ATP6V1B1: variants seen among roughly 807,000 people sequenced by gnomAD.
ATP6V1B1 encodes the protein V-type proton ATPase subunit B, kidney isoform.
A neutral mutation model predicts 62.1 loss-of-function variants in ATP6V1B1; 41 were observed. The observed-to-expected ratio is 0.66, with a 90% confidence interval of 0.51 to 0.86. The LOEUF (loss-of-function observed/expected upper bound fraction) is 0.86. Among genes scored for constraint, ATP6V1B1 ranks in the 40% least tolerant of loss-of-function variants. ATP6V1B1 has a pLI of 0.00. For synonymous variants in ATP6V1B1, 253 were observed against 273.4 expected (o/e 0.93, Z 0.74); for missense variants, 651 against 697.5 (o/e 0.93, Z 0.75).
At chr2:70,951,238 C>T (rs782307909) in intron 2 of ATP6V1B1, among the ~76,000 whole-genome samples, 9 of 152,136 alleles carry the variant, frequency 5.9e-5, no homozygotes, top group Non-Finnish European at 7.4e-5. Context: ...CCACTGCGCC[C>T]GGCCTTCCTG....
At chr2:70,953,670 C>T (rs571049458) in intron 2 of ATP6V1B1, among the ~76,000 whole-genome samples, 2 of 152,240 alleles carry the variant, frequency 1.3e-5, no homozygotes, top group South Asian at 2.1e-4. Flanking sequence ...CTACAAGTTT[C>T]CCATAATTAT....
chr2:70,942,094 G>A, intron 1 of ATP6V1B1: 1 of 1,067,218 alleles, frequency 9.4e-7, no homozygotes, highest in Non-Finnish European at 1.2e-6. Context: ...GACAGAGAGA[G>A]AGGCAAGGAG....
Position 70,958,356 on chromosome 2 carries a change from C to T in ATP6V1B1, c.297C>T (p.Ile99=), listed in dbSNP as rs147933361. ...AGGTGTTTGAAGGGACATCAGGGAT[C>T]GATGCCAGGAAGACCACTTGCGAAT... ...IVQVFEGTSG[I]DARKTTCEFT... Residue 99 remains isoleucine (I), a synonymous_variant, in exon 4 of 14, where the codon ATC becomes ATT. Coordinates refer to ENST00000234396, the MANE Select transcript of ATP6V1B1 (RefSeq NM_001692.4). 7.4e-6 allele frequency: 12 copies of T among 1,614,080 alleles called. No individual in the cohort carries two copies. The South Asian group carries it at 8.8e-5, about 12-fold the overall frequency.
intron 2 of ATP6V1B1, among the ~76,000 whole-genome samples, chr2:70,945,183 A>G (rs561868318): frequency 2.2e-3 from 332 of 152,352 alleles, no homozygotes; most frequent in Non-Finnish European, 3.9e-3. Context: ...TTTCACTGCT[A>G]TAATTTTAAA....
intron 2 of ATP6V1B1, among the ~76,000 whole-genome samples, chr2:70,950,921 ATTTTTTCCTGATTTTTTTTT>A (rs1278171439): frequency 8.1e-6 from 1 of 123,368 alleles, no homozygotes; most frequent in Non-Finnish European, 1.7e-5. Context: ...TGTGTGCATA[ATTTTTTCCTGATTTTTTTTT>A]TTTTTTTTTT....
intron 1 of ATP6V1B1, among the ~76,000 whole-genome samples, chr2:70,937,716 C>T (rs1373667669): frequency 6.6e-6 from 1 of 152,004 alleles, no homozygotes; most frequent in African/African-American, 2.4e-5. Context: ...TGATCTGCAC[C>T]TTCATGCTCT....
intron 11 of ATP6V1B1, chr2:70,964,038 G>T (rs1356383761): frequency 2.4e-6 from 1 of 418,100 alleles, no homozygotes; most frequent in Non-Finnish European, 4.4e-6. Flanking sequence ...AGAAAACAAC[G>T]GCTAACTAAC....
chr2:70,958,486 C>A, intron 4 of ATP6V1B1, 60 bp downstream of exon 4: 1 of 1,499,388 alleles, frequency 6.7e-7, no homozygotes, highest in South Asian at 1.1e-5. Context: ...CCCAGCTTCT[C>A]TGACCAAACC....
chr2:70,944,157 C>T (rs1480936702), intron 2 of ATP6V1B1: 11 of 1,286,278 alleles, frequency 8.6e-6, no homozygotes, highest in Middle Eastern at 2.1e-4. Context: ...CAAGTCAATG[C>T]CAACTAAATT....
At position 70,943,659 on chromosome 2, in the gene ATP6V1B1, C is replaced by T; in HGVS notation, c.120C>T (p.Thr40=). The change falls in exon 2 of 14, where the codon ACC becomes ACT. Residue 40 remains threonine (T), a splice_region_variant and synonymous_variant. Transcript: ENST00000234396. The part of the protein sequence containing the change: ...TRNYITHPRV[T]YRTVCSVNGP... The stretch of plus-strand genomic sequence containing the variant: ...TACTCACCCCCGCCCCTCCCCCAGC[C>T]TACAGGACTGTGTGCAGCGTGAACG... The T allele has an allele frequency of 1.2e-6, 2 of 1,613,908 alleles. No homozygotes were observed. Among genetic ancestry groups the T allele is most frequent in the South Asian group, 2.2e-5 (2 of 91,084 alleles).
chr2:70,965,162 C>A lies in ATP6V1B1; in HGVS notation c.*41C>A. The A allele has an allele frequency of 6.3e-7, 1 of 1,597,576 alleles. No individual in the cohort carries two copies. The highest frequency in any genetic ancestry group is 1.1e-5 in the South Asian group (1 of 90,900). ...CACCCCAACACCGGCAGGGAACCTA[C>A]CCTCGGCTCCCGGGTCTCCCCTCCC... is the stretch of plus-strand genomic sequence containing the variant. On this transcript the variant is annotated 3_prime_UTR_variant, in exon 14 of 14. Coordinates refer to ENST00000234396, the MANE Select transcript of ATP6V1B1 (RefSeq NM_001692.4).
Position 70,963,603 on chromosome 2 carries a change from C to G in ATP6V1B1, c.1092C>G (p.Gly364=). The G allele has an allele frequency of 6.2e-7, 1 of 1,614,214 alleles. No individual in the cohort carries two copies. Among genetic ancestry groups the G allele is most frequent in the East Asian group, 2.2e-5 (1 of 44,874 alleles). Residue 364 remains glycine, a synonymous_variant, in exon 11 of 14, where the codon GGC becomes GGG. Coordinates refer to ENST00000234396, the MANE Select transcript of ATP6V1B1 (RefSeq NM_001692.4). The surrounding 1 kb of genome is among the most constrained non-coding windows in gnomAD (Gnocchi z 4.3). ...DITHPIPDLT[G]FITEGQIYVD... ...CCCACCCTATCCCAGACTTGACGGG[C>G]TTCATCACAGAGGGACAGATCTACG...
chr2:70,956,378 G>C (rs563768916), intron 2 of ATP6V1B1: 6 of 159,488 alleles, frequency 3.8e-5, no homozygotes, highest in African/African-American at 1.4e-4. Flanking sequence ...GCCCCCATGG[G>C]TTCCAGGGCA....
intron 2 of ATP6V1B1, among the ~76,000 whole-genome samples, chr2:70,946,154 T>C (rs1183300896): frequency 2.0e-5 from 3 of 152,138 alleles, no homozygotes; most frequent in Non-Finnish European, 4.4e-5. Flanking sequence ...ATTAATGAGA[T>C]AAATGAATGA....
chr2:70,960,214 C>G, intron 6 of ATP6V1B1, 136 bp downstream of exon 6: 4 of 1,342,034 alleles, frequency 3.0e-6, no homozygotes, highest in Non-Finnish European at 3.1e-6. Context: ...TCGAGACTGG[C>G]AGCTGTCCCT....
rs782807034 is a variant in ATP6V1B1 at position 70,960,005 on chromosome 2, T to C, written c.512T>C (p.Ile171Thr). 5.6e-6 allele frequency: 9 copies of C among 1,614,102 alleles called. No individual in the cohort carries two copies. Among genetic ancestry groups the C allele is most frequent in the East Asian group, 4.5e-5 (2 of 44,878 alleles). ...ATGATTCAGACGGGCATTTCTCCTA[T>C]TGACGTCATGAACAGCATTGCCCGC... ...EEMIQTGISP[I>T]DVMNSIARGQ... Residue 171 changes from isoleucine to threonine, a missense_variant, in exon 6 of 14, where the codon ATT (isoleucine) becomes ACT (threonine). Coordinates refer to ENST00000234396, the MANE Select transcript of ATP6V1B1 (RefSeq NM_001692.4).
intron 9 of ATP6V1B1, 43 bp downstream of exon 9, chr2:70,962,943 C>T (rs782580662): frequency 6.2e-7 from 1 of 1,612,570 alleles, no homozygotes; most frequent in South Asian, 1.1e-5. Context: ...CCCTACCCCT[C>T]CCTAAGCCTG....
chr2:70,962,830 C>T lies in ATP6V1B1; in HGVS notation c.839C>T (p.Ala280Val). Residue 280 changes from alanine (A) to valine (V), a missense_variant, in exon 9 of 14, where the codon GCC (alanine) becomes GTC (valine). By Grantham distance (64) the Ala-to-Val change is moderately conservative. Coordinates refer to ENST00000234396, the MANE Select transcript of ATP6V1B1 (RefSeq NM_001692.4). ...GCGCTGACCACTGCTGAATTCCTTG[C>T]CTACCAGTGTGAGAAGCATGTGCTG... ...RLALTTAEFL[A>V]YQCEKHVLVI... is the part of the protein sequence containing the mutation. The T allele has an allele frequency of 6.2e-7, 1 of 1,614,178 alleles. No homozygotes were observed. Among genetic ancestry groups the T allele is most frequent in the Non-Finnish European group, 8.5e-7 (1 of 1,180,018 alleles).
chr2:70,960,087 T>G lies in ATP6V1B1; in HGVS notation c.585+9T>G. The G allele has an allele frequency of 6.2e-7, 1 of 1,613,986 alleles. No homozygotes were observed. The highest frequency in any genetic ancestry group is 8.5e-7 in the Non-Finnish European group (1 of 1,179,950). ...GGCTCCCCCACAATGAGGTGAGGCC[T>G]GCAGGGCCAGCAGGCATGGCTGGGG... On this transcript the variant is annotated intron_variant, in intron 6 of 13. Coordinates refer to ENST00000234396, the MANE Select transcript of ATP6V1B1 (RefSeq NM_001692.4).
Sources: gnomAD v4.1 joint callset for allele counts (sites outside exome capture counted in the v4.1 genomes callset) on GRCh38, gnomAD v4.1.1 for gene constraint, Gnocchi (gnomAD v3.1) non-coding constraint, MANE v1.5 for transcripts, NCBI Gene and HGNC (gene_info 2026-07-23, HGNC 2026-07-21) for gene names.